STAB1: variants seen among roughly 807,000 people sequenced by gnomAD.
The protein encoded by STAB1 is stabilin 1.
STAB1 carries 250 observed loss-of-function variants against 332.4 expected under a neutral mutation model. The observed-to-expected ratio is 0.75, with a 90% confidence interval of 0.68 to 0.84. The LOEUF (loss-of-function observed/expected upper bound fraction) is 0.84, where lower values mean the gene tolerates loss of function less well. Ranked by LOEUF, STAB1 falls within the 40% of genes least tolerant of loss-of-function variation. STAB1 has a pLI of 0.00. For synonymous variants in STAB1, 1,475 were observed against 1,390.4 expected (o/e 1.06, Z -1.35); for missense variants, 3,249 against 3,489.7 (o/e 0.93, Z 1.74).
At chr3:52,507,498 C>T in intron 18 of STAB1, 115 bp from the exon 19 acceptor site, 2 of 1,123,036 alleles carry the variant, frequency 1.8e-6, no homozygotes, top group Non-Finnish European at 2.6e-6. Context: ...TGCTGGGCTT[C>T]CTGTGGTTGG....
In STAB1 at chr3:52,517,018, C is replaced by T; in HGVS notation, c.4398C>T (p.Cys1466=). ...VDPCAHGHGG[C]SPHANCTKVA... The stretch of plus-strand genomic sequence containing the variant: ...CCTGCGCCCACGGCCATGGGGGCTG[C>T]TCCCCTCATGCCAACTGTACCAAGG... Residue 1466 remains cysteine (C), a synonymous_variant, in exon 42 of 69, where the codon TGC becomes TGT. Transcript: ENST00000321725. 1.9e-6 allele frequency: 3 copies of T among 1,609,008 alleles called. 1 individual carries two copies. Among genetic ancestry groups the T allele is most frequent in the South Asian group, 2.2e-5 (2 of 90,508 alleles).
rs1578365832 is a variant in STAB1 at position 52,504,243 on chromosome 3, G to A, written c.1150+88G>A. ...GGAGGAGCTGCCTCTGCAGATTCCA[G>A]TTTCTCTGCCCAGGGCTGTGGGAAC... On this transcript the variant is annotated intron_variant, in intron 10 of 68. Coordinates refer to ENST00000321725, the MANE Select transcript of STAB1 (RefSeq NM_015136.3). 3.3e-6 allele frequency: 5 copies of A among 1,519,908 alleles called. No individual in the cohort carries two copies. The South Asian group carries it at 3.6e-5, about 11-fold the overall frequency. The allele number at this position is 1,519,908 out of a possible 1,614,324, so 94.2% of individuals were successfully genotyped here. A position where few individuals can be genotyped will look rare whatever the true frequency, so the allele number is the denominator to read the frequency against.
chr3:52,520,351 G>T (rs774354755), intron 52 of STAB1, 49 bp from the exon 53 acceptor site: 67 of 1,612,732 alleles, frequency 4.2e-5, no homozygotes, highest in Non-Finnish European at 5.6e-5. Context: ...GGCAGTAGCA[G>T]CTGGAGTGCA....
chr3:52,524,455 A>G lies in STAB1; in HGVS notation c.*99A>G, dbSNP rs1369272235. The G allele has an allele frequency of 6.2e-7, 1 of 1,612,584 alleles. No individual in the cohort carries two copies. Among genetic ancestry groups the G allele is most frequent in the South Asian group, 1.1e-5 (1 of 91,084 alleles). On this transcript the variant is annotated 3_prime_UTR_variant, in exon 69 of 69. Coordinates refer to ENST00000321725, the MANE Select transcript of STAB1 (RefSeq NM_015136.3). ...AGGAGGGGCTGAGGGCCTGTCCCAGACAATAAAGGTGCCCTCAGCGGATGT... is the reference window on the plus strand; with the variant it reads ...AGGAGGGGCTGAGGGCCTGTCCCAGGCAATAAAGGTGCCCTCAGCGGATGT...
At position 52,520,493 on chromosome 3, in the gene STAB1, G is replaced by A; in HGVS notation, c.5593G>A (p.Glu1865Lys). 1.9e-6 allele frequency: 3 copies of A among 1,612,634 alleles called. No homozygotes were observed. Among genetic ancestry groups the A allele is most frequent in the Non-Finnish European group, 2.5e-6 (3 of 1,179,898 alleles). ...GGCCTATGGCATCGACCAGCTGCTG[G>A]AGCCACCTGGCCTTGGTGCTCGCTG... ...GLAYGIDQLL[E>K]PPGLGARCDH... The change falls in exon 53 of 69, where the codon GAG becomes AAG. Residue 1865 changes from glutamate (E) to lysine (K), a missense_variant. Coordinates refer to ENST00000321725, the MANE Select transcript of STAB1 (RefSeq NM_015136.3).
In STAB1 at chr3:52,509,149, G is replaced by C. The variant is rs1709102212; in HGVS notation, c.2236-61G>C. On this transcript the variant is annotated intron_variant, in intron 21 of 68. Transcript: ENST00000321725. ...CAGCCCATGAAAGGAGGGGGTGTTG[G>C]GAGAGGGGATGTAGAGAGTCCCTTT... 5.4e-6 allele frequency: 8 copies of C among 1,482,434 alleles called. No homozygotes were observed. In the South Asian group the frequency reaches 9.6e-5, roughly 18 times the overall value. The allele number at this position is 1,482,434 out of a possible 1,614,324, so 91.8% of individuals were successfully genotyped here. A position where few individuals can be genotyped will look rare whatever the true frequency, so the allele number is the denominator to read the frequency against.
At chr3:52,499,910 A>AG (rs1292183028) in intron 1 of STAB1, among the ~76,000 whole-genome samples, 6 of 146,576 alleles carry the variant, frequency 4.1e-5, no homozygotes, top group African/African-American at 1.5e-4. Context: ...AAAAAAAAAA[A>AG]AAAAAAAAAA....
At chr3:52,510,104 T>G (rs113655959) in intron 23 of STAB1, 38 bp from the exon 24 acceptor site, 1 of 1,613,602 alleles carries the variant, frequency 6.2e-7, no homozygotes, top group Non-Finnish European at 8.5e-7. Context: ...CTTTCATACC[T>G]GAGGCTCACT....
intron 30 of STAB1, 87 bp downstream of exon 30, chr3:52,513,328 C>A: frequency 7.4e-7 from 1 of 1,351,738 alleles, no homozygotes; most frequent in Non-Finnish European, 1.0e-6. Flanking sequence ...ACATCAGGGG[C>A]CCCATGGGAT....
In STAB1 at chr3:52,523,318, A is replaced by G; in HGVS notation, c.7117A>G (p.Asn2373Asp). Residue 2373 changes from asparagine to aspartate, a missense_variant, in exon 64 of 69, where the codon AAT (asparagine) becomes GAT (aspartate). Transcript: ENST00000321725. ...LTYKTLFVPV[N>D]EGFVDNMTLS... ...GTATAAGACACTCTTCGTCCCTGTC[A>G]ATGAAGGCTTTGTGGACAACATGGT... is the stretch of plus-strand genomic sequence containing the variant. 1 of 1,611,420 alleles carries G rather than the reference A, an allele frequency of 6.2e-7. No individual in the cohort carries two copies. The highest frequency in any genetic ancestry group is 8.5e-7 in the Non-Finnish European group (1 of 1,180,010).
rs1708440762 is a variant in STAB1 at position 52,501,518 on chromosome 3, C to A, written c.216-120C>A. On this transcript the variant is annotated intron_variant, in intron 2 of 68. Coordinates refer to ENST00000321725, the MANE Select transcript of STAB1 (RefSeq NM_015136.3). ...CCTGCTATGTGCTAGGCCCTGTGCT[C>A]AGCTCTGGGCCAGGCAGAGCAGGGA... 4.4e-6 allele frequency: 5 copies of A among 1,127,788 alleles called. No individual in the cohort carries two copies. In the South Asian group the frequency reaches 5.9e-5, roughly 13 times the overall value. The allele number at this position is 1,127,788 out of a possible 1,614,324, so 69.9% of individuals were successfully genotyped here.
Position 52,516,722 on chromosome 3 carries a change from C to T in STAB1, c.4317C>T (p.Thr1439=). Residue 1439 remains threonine (T), a synonymous_variant, in exon 41 of 69, where the codon ACC becomes ACT. Coordinates refer to ENST00000321725, the MANE Select transcript of STAB1 (RefSeq NM_015136.3). ...TGCAGGACTCGGCCGGAGCCTCCACCTGCGCCTGTGCTGCGGGATACTCCG... is the reference window on the plus strand; with the variant it reads ...TGCAGGACTCGGCCGGAGCCTCCACTTGCGCCTGTGCTGCGGGATACTCCG... ...NCVQDSAGAS[T]CACAAGYSGN... The T allele has an allele frequency of 6.2e-7, 1 of 1,612,108 alleles. No individual in the cohort carries two copies. The highest frequency in any genetic ancestry group is 8.5e-7 in the Non-Finnish European group (1 of 1,179,840).
rs1283206146 is a variant in STAB1 at position 52,506,603 on chromosome 3, T to C, written c.1831-89T>C. On this transcript the variant is annotated intron_variant, in intron 17 of 68. Coordinates refer to ENST00000321725, the MANE Select transcript of STAB1 (RefSeq NM_015136.3). ...GCAGCTCACTGAGCTGCCTGTCTGC[T>C]CTAACTGGGCTGCAGGGGTGGAGGT... is the stretch of plus-strand genomic sequence containing the variant. The C allele has an allele frequency of 3.5e-6, 5 of 1,416,148 alleles. No individual in the cohort carries two copies. The Admixed American group carries it at 6.9e-5, about 20-fold the overall frequency. The allele number at this position is 1,416,148 out of a possible 1,614,324, so 87.7% of individuals were successfully genotyped here.
intron 25 of STAB1, among the ~76,000 whole-genome samples, chr3:52,510,927 G>C (rs1438775905): frequency 6.6e-6 from 1 of 152,224 alleles, no homozygotes; most frequent in Non-Finnish European, 1.5e-5. Flanking sequence ...GTTTGGACAG[G>C]CATTGAAGAC....
chr3:52,506,602 C>T (rs1252637497), intron 17 of STAB1, 90 bp from the exon 18 acceptor site: 2 of 1,409,536 alleles, frequency 1.4e-6, no homozygotes, highest in Non-Finnish European at 9.5e-7. Context: ...TGCCTGTCTG[C>T]TCTAACTGGG....
Position 52,503,891 on chromosome 3 carries a change from T to TGGGAAGACCA in STAB1, c.1014_1022+1dup, listed in dbSNP as rs1168361408. The TGGGAAGACCA allele has an allele frequency of 6.2e-7, 1 of 1,612,776 alleles. No homozygotes were observed. On this transcript the variant is annotated frameshift_variant, in exon 9 of 69. Coordinates refer to ENST00000321725, the MANE Select transcript of STAB1 (RefSeq NM_015136.3). LOFTEE classifies it high-confidence loss of function. The stretch of plus-strand genomic sequence containing the variant: ...CTGCCACTTGCCAGGTGACCGCTGA[T>TGGGAAGACCA]GGGAAGACCAGGTGAGCACAGGTGC...
intron 30 of STAB1, 106 bp downstream of exon 30, chr3:52,513,347 G>A: frequency 9.0e-7 from 1 of 1,110,212 alleles, no homozygotes; most frequent in Non-Finnish European, 1.3e-6. Flanking sequence ...ATGAGATTGG[G>A]GTCCCCTCGC....
At position 52,503,124 on chromosome 3, in the gene STAB1, A is replaced by G; in HGVS notation, c.694+15A>G. The G allele has an allele frequency of 6.4e-7, 1 of 1,563,980 alleles. No individual in the cohort carries two copies. Among genetic ancestry groups the G allele is most frequent in the Non-Finnish European group, 8.7e-7 (1 of 1,151,470 alleles). ...TGAATGCCGAGGTGAGCCTGGACTCAGAGGCCAGGGACTTCAGCTCAGGGC... is the reference window on the plus strand; with the variant it reads ...TGAATGCCGAGGTGAGCCTGGACTCGGAGGCCAGGGACTTCAGCTCAGGGC... On this transcript the variant is annotated intron_variant, in intron 7 of 68. Coordinates refer to ENST00000321725, the MANE Select transcript of STAB1 (RefSeq NM_015136.3).
chr3:52,508,861 T>G (rs1709084212), intron 21 of STAB1, among the ~76,000 whole-genome samples: 1 of 151,868 alleles, frequency 6.6e-6, no homozygotes, highest in Admixed American at 6.6e-5. Flanking sequence ...AATAGATAGA[T>G]AGATAGATTT....
Sources: allele counts gnomAD v4.1 joint callset (sites outside exome capture counted in the v4.1 genomes callset), GRCh38; gene constraint gnomAD v4.1.1; transcripts MANE v1.5; gene names NCBI Gene and HGNC (gene_info 2026-07-23, HGNC 2026-07-21).